The following RPS6KC1 variants were observed in gnomAD, a reference collection of about 807,000 sequenced individuals.
RPS6KC1 encodes inactive ribosomal protein S6 kinase delta-1.
In RPS6KC1, 54 loss-of-function variants were observed where a neutral mutation model predicts 103.8. The ratio of observed to expected loss-of-function variants is 0.52; its 90% confidence interval spans 0.42 to 0.65. The LOEUF is 0.65. Ranked by LOEUF, RPS6KC1 falls within the 30% of genes least tolerant of loss-of-function variation. The probability of loss-of-function intolerance (pLI) is 0.00; values close to 1 mark genes in which losing one functional copy is unlikely to be tolerated. For synonymous variants in RPS6KC1, 439 were observed against 438.7 expected, an observed-to-expected ratio of 1.00 and a Z score of -0.01; for missense variants, 1,151 against 1,253.8, an observed-to-expected ratio of 0.92 and a Z score of 1.24.
the RPS6KC1 span, among the ~76,000 whole-genome samples, chr1:213,664,983 T>C: frequency 6.6e-6 from 1 of 152,244 alleles, no homozygotes; most frequent in Non-Finnish European, 1.5e-5. Flanking sequence ...TTATACTGGC[T>C]ACCGTGGATT....
chr1:213,516,332 T>G, the RPS6KC1 span, among the ~76,000 whole-genome samples: 1 of 152,130 alleles, frequency 6.6e-6, no homozygotes, highest in Non-Finnish European at 1.5e-5. Context: ...ATGCTTCCAG[T>G]TTTTGCCCAT....
the RPS6KC1 span, among the ~76,000 whole-genome samples, chr1:213,669,665 A>G: frequency 2.0e-5 from 3 of 152,208 alleles, no homozygotes; most frequent in Non-Finnish European, 4.4e-5. Flanking sequence ...GTAAAACGCA[A>G]TAAAGCAGAG....
the RPS6KC1 span, among the ~76,000 whole-genome samples, chr1:213,542,172 G>A: frequency 6.6e-6 from 1 of 152,176 alleles, no homozygotes; most frequent in African/African-American, 2.4e-5. Context: ...GCAAGTCTAC[G>A]GGAGGCATTG....
the RPS6KC1 span, among the ~76,000 whole-genome samples, chr1:213,303,053 C>T: frequency 2.0e-5 from 3 of 152,114 alleles, no homozygotes; most frequent in East Asian, 1.9e-4. Flanking sequence ...GAGTAGCACT[C>T]GACTGTATGT....
the RPS6KC1 span, among the ~76,000 whole-genome samples, chr1:213,475,184 T>G: frequency 6.6e-6 from 1 of 152,206 alleles, no homozygotes; most frequent in Admixed American, 6.5e-5. Context: ...ACCCCGGCAC[T>G]GTGGGAACCT....
the RPS6KC1 span, among the ~76,000 whole-genome samples, chr1:213,693,096 ACTATATCT>A: frequency 6.6e-6 from 1 of 152,312 alleles, no homozygotes; most frequent in Middle Eastern, 3.4e-3. Flanking sequence ...TCAAGCCTAG[ACTATATCT>A]GCTTTCTCTC....
At chr1:213,159,089 A>G (rs545702292) in intron 6 of RPS6KC1, among the ~76,000 whole-genome samples, 2 of 152,148 alleles carry the variant, frequency 1.3e-5, no homozygotes, top group East Asian at 1.9e-4. Context: ...TGTTTGGTGG[A>G]TCTAGATGGA....
chr1:213,723,233 G>A, the RPS6KC1 span, among the ~76,000 whole-genome samples: 71 of 152,188 alleles, frequency 4.7e-4, no homozygotes, highest in Non-Finnish European at 9.3e-4. Context: ...TAAAGAATTA[G>A]TGCTTCAAAC....
At chr1:213,367,334 C>A in the RPS6KC1 span, among the ~76,000 whole-genome samples, 4 of 152,200 alleles carry the variant, frequency 2.6e-5, no homozygotes, top group Non-Finnish European at 5.9e-5. Context: ...GTCATGGCTA[C>A]CCCATCCTGA....
the RPS6KC1 span, among the ~76,000 whole-genome samples, chr1:213,426,906 A>G: frequency 6.6e-6 from 1 of 152,240 alleles, no homozygotes; most frequent in Admixed American, 6.5e-5. Flanking sequence ...TTGTGTTATG[A>G]TGACAGGCCC....
chr1:213,687,900 C>A, the RPS6KC1 span, among the ~76,000 whole-genome samples: 1 of 152,152 alleles, frequency 6.6e-6, no homozygotes, highest in African/African-American at 2.4e-5. Flanking sequence ...CTATTTCATT[C>A]TTTCTCTGTG....
the RPS6KC1 span, among the ~76,000 whole-genome samples, chr1:213,509,993 C>G: frequency 6.6e-6 from 1 of 152,198 alleles, no homozygotes; most frequent in Non-Finnish European, 1.5e-5. Flanking sequence ...TCTGGGCAGA[C>G]TGATTCTCAC....
At chr1:213,431,807 T>C in the RPS6KC1 span, among the ~76,000 whole-genome samples, 253 of 152,272 alleles carry the variant, frequency 1.7e-3, 1 homozygote, top group South Asian at 8.7e-3. Context: ...GTGTGTATTA[T>C]GTGGGCATGC....
chr1:213,747,007 T>G, the RPS6KC1 span, among the ~76,000 whole-genome samples: 3 of 152,182 alleles, frequency 2.0e-5, no homozygotes, highest in East Asian at 3.9e-4. Context: ...GTCTGAGTTT[T>G]AAATATAAGT....
At chr1:213,171,234 T>A (rs958443440) in intron 7 of RPS6KC1, among the ~76,000 whole-genome samples, 3 of 152,100 alleles carry the variant, frequency 2.0e-5, no homozygotes, top group Non-Finnish European at 4.4e-5. Flanking sequence ...CTCTTTTTCT[T>A]CATTGCTTCA....
chr1:213,694,119 A>G, the RPS6KC1 span, among the ~76,000 whole-genome samples: 6 of 152,244 alleles, frequency 3.9e-5, no homozygotes, highest in African/African-American at 1.4e-4. Context: ...GTGCTAGGAA[A>G]GGCTGGGATC....
At chr1:213,397,269 TCTC>T in the RPS6KC1 span, among the ~76,000 whole-genome samples, 2 of 152,040 alleles carry the variant, frequency 1.3e-5, no homozygotes, top group South Asian at 2.1e-4. Flanking sequence ...TACTCTTTCT[TCTC>T]CTTTCTCCTG....
the RPS6KC1 span, among the ~76,000 whole-genome samples, chr1:213,486,952 A>T: frequency 1.3e-5 from 2 of 152,352 alleles, no homozygotes; most frequent in East Asian, 3.9e-4. Flanking sequence ...ATAATAGAAC[A>T]TCTAGCTGAG....
the RPS6KC1 span, among the ~76,000 whole-genome samples, chr1:213,423,291 G>A: frequency 2.0e-5 from 3 of 152,220 alleles, no homozygotes; most frequent in Admixed American, 2.0e-4. Context: ...TGCGCCTCAG[G>A]TAGCAGATCT....
Sources: allele counts gnomAD v4.1 joint callset (sites outside exome capture counted in the v4.1 genomes callset), GRCh38; gene constraint gnomAD v4.1.1; transcripts MANE v1.5; gene names NCBI Gene and HGNC (gene_info 2026-07-23, HGNC 2026-07-21).